Variants in ZBBX observed in about 807,000 individuals in gnomAD.
ZBBX encodes zinc finger B-box domain-containing protein 1.
In ZBBX, 101 loss-of-function variants were observed where a neutral mutation model predicts 108.5. The ratio of observed to expected loss-of-function variants is 0.93; its 90% confidence interval spans 0.79 to 1.10. The LOEUF is 1.10. Among genes scored for constraint, ZBBX ranks in the 50% least tolerant of loss-of-function variants. ZBBX has a pLI of 0.00. For synonymous variants in ZBBX, 356 were observed against 323.4 expected (o/e 1.10, Z -1.08); for missense variants, 1,009 against 941.4 (o/e 1.07, Z -0.94).
intron 20 of ZBBX, among the ~76,000 whole-genome samples, chr3:167,260,088 T>C (rs1451890850): frequency 1.3e-5 from 2 of 152,184 alleles, no homozygotes; most frequent in Admixed American, 1.3e-4. Context: ...CCTTCATATA[T>C]GATGCTTAGT....
intron 11 of ZBBX, among the ~76,000 whole-genome samples, chr3:167,324,977 A>G (rs1737097501): frequency 6.6e-6 from 1 of 152,178 alleles, no homozygotes; most frequent in African/African-American, 2.4e-5. Context: ...TTTTCAATTA[A>G]CCAACCCGCC....
intron 20 of ZBBX, among the ~76,000 whole-genome samples, chr3:167,280,364 G>T (rs1378902503): frequency 6.7e-6 from 1 of 150,358 alleles, no homozygotes; most frequent in African/African-American, 2.4e-5. Flanking sequence ...TCTGACAAAG[G>T]GCTAATATCC....
chr3:167,239,002 A>G (rs754525952), downstream of ZBBX, among the ~76,000 whole-genome samples: 4 of 152,072 alleles, frequency 2.6e-5, no homozygotes, highest in Non-Finnish European at 5.9e-5. Flanking sequence ...CTATATATCT[A>G]TCTACCTATC....
intron 18 of ZBBX, among the ~76,000 whole-genome samples, chr3:167,293,756 GTC>G (rs1331272860): frequency 6.6e-6 from 1 of 152,102 alleles, no homozygotes; most frequent in African/African-American, 2.4e-5. Flanking sequence ...AAGTCAAATT[GTC>G]TCTGTTTGCA....
At chr3:167,398,763 G>T (rs1335032504) in intron 1 of ZBBX, among the ~76,000 whole-genome samples, 2 of 151,988 alleles carry the variant, frequency 1.3e-5, no homozygotes, top group African/African-American at 4.8e-5. Context: ...AAGATGTTAT[G>T]ATTTGAATAT....
chr3:167,254,886 G>GAGAGAGAGAGAGAGAA (rs1290821027), intron 20 of ZBBX, among the ~76,000 whole-genome samples: 1,906 of 151,272 alleles, frequency 0.013, 40 homozygotes, highest in African/African-American at 0.043. Flanking sequence ...GTGTGTGTGT[G>GAGAGAGAGAGAGAGAA]TGAGAGAGAG....
At chr3:167,357,035 T>C (rs1474045087) in intron 8 of ZBBX, among the ~76,000 whole-genome samples, 1 of 152,084 alleles carries the variant, frequency 6.6e-6, no homozygotes, top group East Asian at 1.9e-4. Flanking sequence ...AATAAAGGTG[T>C]TGAGTAGGTA....
chr3:167,360,918 T>TA (rs954067474), intron 6 of ZBBX, among the ~76,000 whole-genome samples, 195 bp from the exon 7 acceptor site: 18 of 152,070 alleles, frequency 1.2e-4, no homozygotes, highest in African/African-American at 4.1e-4. Flanking sequence ...TAGAAATTCA[T>TA]AAAAAAGAAA....
At chr3:167,383,653 G>A (rs1159346377), upstream of ZBBX, among the ~76,000 whole-genome samples, 1 of 152,018 alleles carries the variant, frequency 6.6e-6, no homozygotes, top group East Asian at 1.9e-4. Flanking sequence ...CACAAATGGA[G>A]GAGAATCATC....
At chr3:167,345,291 T>G (rs1324812457) in intron 9 of ZBBX, among the ~76,000 whole-genome samples, 2 of 151,888 alleles carry the variant, frequency 1.3e-5, no homozygotes, top group South Asian at 2.1e-4. Flanking sequence ...TGATAGTCGA[T>G]AGCAACATGG....
chr3:167,293,482 C>G (rs1731084742), intron 18 of ZBBX, among the ~76,000 whole-genome samples: 1 of 152,114 alleles, frequency 6.6e-6, no homozygotes, highest in Non-Finnish European at 1.5e-5. Context: ...AGGCCTTCAA[C>G]AAAATTCAAC....
intron 4 of ZBBX, among the ~76,000 whole-genome samples, chr3:167,369,465 C>G (rs1440764527): frequency 6.6e-6 from 1 of 152,090 alleles, no homozygotes; most frequent in Non-Finnish European, 1.5e-5. Flanking sequence ...CGGACACAAT[C>G]GAGGAAGATA....
In ZBBX at chr3:167,315,765, G is replaced by C; in HGVS notation, c.1259C>G (p.Ala420Gly). 1 of 1,607,376 alleles carries C rather than the reference G, an allele frequency of 6.2e-7. No individual in the cohort carries two copies. The change falls in exon 15 of 22, where the codon GCA (alanine) becomes GGA (glycine). Residue 420 changes from alanine to glycine, a missense_variant. Ala to Gly is a moderately conservative substitution (Grantham distance 60). Transcript: ENST00000675490. The part of the protein sequence containing the change: ...IVPYKVKLAD[A>G]DSQRSCAFHD... The stretch of plus-strand genomic sequence containing the variant: ...AAGGTTTTACCTTCGTTGACTGTCT[G>C]CATCAGCTAATTTAACTTTGTAAGG...
chr3:167,234,519 G>A, the ZBBX span, among the ~76,000 whole-genome samples: 3 of 151,772 alleles, frequency 2.0e-5, no homozygotes, highest in African/African-American at 7.3e-5. Flanking sequence ...GACATAAAAA[G>A]ACTAAAAAAG....
At chr3:167,211,949 C>T in the ZBBX span, among the ~76,000 whole-genome samples, 8 of 152,230 alleles carry the variant, frequency 5.3e-5, no homozygotes, top group African/African-American at 1.9e-4. Context: ...GGAAGGGATC[C>T]CCTAGCACAG....
intron 20 of ZBBX, among the ~76,000 whole-genome samples, chr3:167,252,676 A>C (rs1722819185): frequency 6.6e-6 from 1 of 152,122 alleles, no homozygotes. Flanking sequence ...GGCAGTTCAC[A>C]GGCTACCAAG....
chr3:167,209,908 G>A, the ZBBX span, among the ~76,000 whole-genome samples: 1 of 152,062 alleles, frequency 6.6e-6, no homozygotes, highest in African/African-American at 2.4e-5. Context: ...TGGCCAACAT[G>A]GCGAAAACCC....
At chr3:167,271,457 T>A (rs970589636) in intron 20 of ZBBX, among the ~76,000 whole-genome samples, 1 of 151,932 alleles carries the variant, frequency 6.6e-6, no homozygotes, top group Admixed American at 6.6e-5. Context: ...TTCTCAGCCG[T>A]GGAAAAAGAA....
intron 8 of ZBBX, among the ~76,000 whole-genome samples, chr3:167,357,929 A>T (rs925565597): frequency 6.6e-6 from 1 of 152,118 alleles, no homozygotes; most frequent in Non-Finnish European, 1.5e-5. Flanking sequence ...TGCAAGAACA[A>T]AAAACCAAAC....
Sources: gnomAD v4.1 joint callset for allele counts (sites outside exome capture counted in the v4.1 genomes callset) on GRCh38, gnomAD v4.1.1 for gene constraint, MANE v1.5 for transcripts, NCBI Gene and HGNC (gene_info 2026-07-23, HGNC 2026-07-21) for gene names.